TMEM268: variants seen among roughly 807,000 people sequenced by gnomAD.
TMEM268 encodes transmembrane protein C9orf91.
Under a neutral mutation model 39.1 loss-of-function variants are expected in TMEM268, and 24 were observed. The ratio of observed to expected loss-of-function variants is 0.61; its 90% CI spans 0.44 to 0.86. The LOEUF is 0.86. Among genes scored for constraint, TMEM268 ranks in the 40% least tolerant of loss-of-function variants. The pLI, the probability that TMEM268 is intolerant of heterozygous loss-of-function variation, is 0.00. For synonymous variants in TMEM268, 176 were observed against 173.5 expected, an observed-to-expected ratio of 1.01 and a Z score of -0.12; for missense variants, 409 against 428.6, an observed-to-expected ratio of 0.95 and a Z score of 0.40.
intron 2 of TMEM268, 27 bp downstream of exon 2, chr9:114,617,328 C>T (rs1222150187): frequency 6.5e-7 from 1 of 1,548,000 alleles, no homozygotes; most frequent in South Asian, 1.1e-5. Context: ...TCATTTTCCA[C>T]CTTCTTTCTA....
intron 1 of TMEM268, among the ~76,000 whole-genome samples, chr9:114,616,265 T>A (rs1313740315): frequency 6.6e-6 from 1 of 152,126 alleles, no homozygotes; most frequent in East Asian, 1.9e-4. Flanking sequence ...TGTGCCAGCC[T>A]CGGCCTCCCA....
At chr9:114,612,003 G>A (rs1487244944) in intron 1 of TMEM268, among the ~76,000 whole-genome samples, 1 of 152,210 alleles carries the variant, frequency 6.6e-6, no homozygotes, top group Non-Finnish European at 1.5e-5. Flanking sequence ...ACCTTGGATG[G>A]TACACTTTCT....
chr9:114,634,604 C>CA (rs1846549686), intron 6 of TMEM268, among the ~76,000 whole-genome samples: 1 of 152,182 alleles, frequency 6.6e-6, no homozygotes, highest in Non-Finnish European at 1.5e-5. Context: ...AGTGGAATTG[C>CA]AAAACCTCCT....
chr9:114,627,123 C>A, intron 4 of TMEM268, 117 bp downstream of exon 4: 1 of 689,230 alleles, frequency 1.5e-6, no homozygotes, highest in Non-Finnish European at 2.6e-6. Flanking sequence ...GCTGTTGGCC[C>A]AGGTGCCTGG....
At chr9:114,628,753 C>T (rs572517442) in intron 5 of TMEM268, among the ~76,000 whole-genome samples, 3 of 152,140 alleles carry the variant, frequency 2.0e-5, no homozygotes, top group Admixed American at 6.5e-5. Context: ...GTGGGTGGTC[C>T]GAGAGTTTAG....
intron 1 of TMEM268, among the ~76,000 whole-genome samples, chr9:114,615,186 C>T (rs369730379): frequency 3.3e-5 from 5 of 152,140 alleles, no homozygotes; most frequent in Middle Eastern, 3.2e-3. Context: ...CGTGAGCCAC[C>T]GTGCTGGGTG....
chr9:114,617,986 C>T (rs552725642), intron 2 of TMEM268, among the ~76,000 whole-genome samples: 5 of 152,064 alleles, frequency 3.3e-5, no homozygotes, highest in African/African-American at 9.7e-5. Flanking sequence ...AAGCAGTTCT[C>T]CTGCCTCGGC....
chr9:114,626,448 G>A (rs1330502460), intron 3 of TMEM268, among the ~76,000 whole-genome samples: 6 of 152,336 alleles, frequency 3.9e-5, no homozygotes, highest in Non-Finnish European at 7.3e-5. Flanking sequence ...TGAGGGACTG[G>A]CCCTTTGCTC....
chr9:114,630,260 T>C (rs2084495689), intron 5 of TMEM268, among the ~76,000 whole-genome samples: 1 of 135,904 alleles, frequency 7.4e-6, no homozygotes, highest in African/African-American at 2.7e-5. Context: ...TTGAATTTAC[T>C]GTTCCAACAA....
At chr9:114,617,748 T>G (rs1845788044) in intron 2 of TMEM268, among the ~76,000 whole-genome samples, 1 of 152,180 alleles carries the variant, frequency 6.6e-6, no homozygotes, top group African/African-American at 2.4e-5. Context: ...TTAAAAATGT[T>G]TTTTGTAGAG....
At chr9:114,612,530 GC>G (rs1845543432) in intron 1 of TMEM268, among the ~76,000 whole-genome samples, 1 of 152,242 alleles carries the variant, frequency 6.6e-6, no homozygotes, top group African/African-American at 2.4e-5. Context: ...ATAGGCATCT[GC>G]CCTTGAGGTC....
At position 114,617,144 on chromosome 9, in the gene TMEM268, A is replaced by C. The variant is rs957576158; in HGVS notation, c.-52A>C. On this transcript the variant is annotated 5_prime_UTR_variant, in exon 2 of 9. Coordinates refer to ENST00000288502, the MANE Select transcript of TMEM268 (RefSeq NM_153045.4). ...CATATGATGCTGAGCTGGCTGCTCC[A>C]GAATGAACCACAGCTCTGAGAAGGG... 1.6e-6 allele frequency: 2 copies of C among 1,243,830 alleles called. No homozygotes were observed. The highest frequency in any genetic ancestry group is 3.1e-5 in the African/African-American group (2 of 65,466). 77.0% of individuals were successfully genotyped at this position (1,243,830 alleles called of 1,614,324 possible). A position where few individuals can be genotyped will look rare whatever the true frequency, so the allele number is the denominator to read the frequency against.
At position 114,643,156 on chromosome 9, in the gene TMEM268, C is replaced by T. The variant is rs1489621522; in HGVS notation, c.872C>T (p.Ala291Val). 1.9e-6 allele frequency: 3 copies of T among 1,614,042 alleles called. No homozygotes were observed. In the African/African-American group the frequency reaches 4.0e-5, roughly 22 times the overall value. ...TAGGAAATGGCCCGCCAGCTGCTGGCAGTGTTTGGCGGCTACTACATCCGG... is the reference window on the plus strand; with the variant it reads ...TAGGAAATGGCCCGCCAGCTGCTGGTAGTGTTTGGCGGCTACTACATCCGG... The part of the protein sequence containing the change: ...EPEEMARQLL[A>V]VFGGYYIRLL... The change falls in exon 9 of 9, where the codon GCA (alanine) becomes GTA (valine). Residue 291 changes from alanine (A) to valine (V), a missense_variant. Ala to Val is a moderately conservative substitution (Grantham distance 64). Coordinates refer to ENST00000288502, the MANE Select transcript of TMEM268 (RefSeq NM_153045.4).
upstream of TMEM268, among the ~76,000 whole-genome samples, chr9:114,609,820 CAAAG>C (rs1197394802): frequency 4.6e-4 from 66 of 142,522 alleles, no homozygotes; most frequent in African/African-American, 1.0e-3. Flanking sequence ...GAAAAAGAAA[CAAAG>C]AAAGAAAGAG....
chr9:114,643,032 G>A, intron 8 of TMEM268, 102 bp from the exon 9 acceptor site: 2 of 1,238,462 alleles, frequency 1.6e-6, no homozygotes. Flanking sequence ...TCACTGCTGG[G>A]TCCAGGGGCA....
chr9:114,607,714 T>G (rs1589318228), upstream of TMEM268, among the ~76,000 whole-genome samples: 1 of 151,544 alleles, frequency 6.6e-6, no homozygotes, highest in African/African-American at 2.4e-5. Context: ...GAGAATGAAC[T>G]ATGAGAATGG....
intron 1 of TMEM268, among the ~76,000 whole-genome samples, chr9:114,612,682 A>G (rs1589323052): frequency 1.3e-5 from 2 of 151,802 alleles, no homozygotes; most frequent in Admixed American, 1.3e-4. Context: ...CTTGGCTCTC[A>G]CCTCCACCTT....
In TMEM268 at chr9:114,638,742, G is replaced by A. The variant is rs746185888; in HGVS notation, c.849+16G>A. The A allele has an allele frequency of 1.3e-6, 2 of 1,523,002 alleles. No individual in the cohort carries two copies. Among genetic ancestry groups the A allele is most frequent in the South Asian group, 2.6e-5 (2 of 77,544 alleles). The allele number at this position is 1,523,002 out of a possible 1,614,324, so 94.3% of individuals were successfully genotyped here. On this transcript the variant is annotated intron_variant, in intron 8 of 8. Coordinates refer to ENST00000288502, the MANE Select transcript of TMEM268 (RefSeq NM_153045.4). ...TGAGCCGGAGGTAACAGGCACTGGG[G>A]CTTGTTGGGGCCATCTTCCCTCGGG... is the stretch of plus-strand genomic sequence containing the variant.
upstream of TMEM268, chr9:114,611,211 G>C (rs911532322): frequency 6.6e-6 from 1 of 152,258 alleles, no homozygotes; most frequent in African/African-American, 2.4e-5. Flanking sequence ...GAGACGGCGG[G>C]AACCCGTGCC....
Sources: gnomAD v4.1 joint callset for allele counts (sites outside exome capture counted in the v4.1 genomes callset) on GRCh38, gnomAD v4.1.1 for gene constraint, MANE v1.5 for transcripts, NCBI Gene and HGNC (gene_info 2026-07-23, HGNC 2026-07-21) for gene names.